The following WBP4 variants were observed in gnomAD, a reference collection of about 807,000 sequenced individuals.
WBP4 encodes the protein WW domain binding protein 4, also known as WW domain-binding protein 4.
WBP4 carries 37 observed loss-of-function variants against 55.4 expected under a neutral mutation model. The ratio of observed to expected loss-of-function variants is 0.67; its 90% CI spans 0.51 to 0.88. The LOEUF is 0.88. Among genes scored for constraint, WBP4 ranks in the 40% least tolerant of loss-of-function variants. The pLI is 0.00. For synonymous variants in WBP4, 142 were observed against 140.2 expected, an observed-to-expected ratio of 1.01 and a Z score of -0.09; for missense variants, 398 against 420.8, an observed-to-expected ratio of 0.95 and a Z score of 0.47.
chr13:41,082,733 C>CTTT lies in WBP4; in HGVS notation c.951_952insTTT (p.Thr317_Glu318insPhe), dbSNP rs1436714316. On this transcript the variant is annotated inframe_insertion, in exon 10 of 10. Transcript: ENST00000379487. The stretch of plus-strand genomic sequence containing the variant: ...GAGGTAGATTTGGAACTTCCAAGCA[C>CTTT]TGAAAATGAGTATGTATCAACTTCA... 6 of 1,613,876 alleles carry CTTT rather than the reference C, an allele frequency of 3.7e-6. No individual in the cohort carries two copies. Among genetic ancestry groups the CTTT allele is most frequent in the Non-Finnish European group, 4.2e-6 (5 of 1,180,006 alleles).
At chr13:41,070,863 A>G (rs1878212058) in intron 5 of WBP4, among the ~76,000 whole-genome samples, 4 of 152,198 alleles carry the variant, frequency 2.6e-5, no homozygotes, top group Admixed American at 1.3e-4. Context: ...TTGGGCTAAC[A>G]ATCTTACTGT....
chr13:41,072,667 C>A, intron 6 of WBP4, 115 bp from the exon 7 acceptor site: 1 of 801,114 alleles, frequency 1.2e-6, no homozygotes, highest in Non-Finnish European at 2.0e-6. Flanking sequence ...GGATGCAGAT[C>A]GAGATGATAT....
intron 5 of WBP4, among the ~76,000 whole-genome samples, 170 bp from the exon 6 acceptor site, chr13:41,071,357 T>C (rs1441753628): frequency 6.6e-6 from 1 of 152,238 alleles, no homozygotes; most frequent in Non-Finnish European, 1.5e-5. Context: ...CATTCACATA[T>C]ATTGTCTGCA....
rs769356185 is a variant in WBP4, at chr13:41,072,758, G to A, written c.487-24G>A. ...AAAATCATGGTTATCCTTAGTTTAT[G>A]CTGGGTTTTTTTCCTCCTATTAGAC... On this transcript the variant is annotated intron_variant, in intron 6 of 9. Coordinates refer to ENST00000379487, the MANE Select transcript of WBP4 (RefSeq NM_007187.5). 2.5e-6 allele frequency: 4 copies of A among 1,605,860 alleles called. No homozygotes were observed. In the African/African-American group the frequency reaches 5.4e-5, roughly 22 times the overall value.
intron 1 of WBP4, chr13:41,062,287 A>T: frequency 1.0e-6 from 1 of 984,948 alleles, no homozygotes; most frequent in South Asian, 4.7e-5. Context: ...GGCAAACTTT[A>T]TGAGTTTCTT....
At chr13:41,081,165 C>G (rs1427000429) in intron 9 of WBP4, among the ~76,000 whole-genome samples, 2 of 151,960 alleles carry the variant, frequency 1.3e-5, no homozygotes, top group African/African-American at 2.4e-5. Context: ...CCACTGGACT[C>G]CAGCCTAGCA....
chr13:41,080,197 C>T (rs1297925758), intron 8 of WBP4, among the ~76,000 whole-genome samples: 2 of 151,942 alleles, frequency 1.3e-5, no homozygotes, highest in African/African-American at 2.4e-5. Flanking sequence ...ATTTGTGCCC[C>T]CTAAGTTATT....
Position 41,080,760 on chromosome 13 carries a change from TCAAA to T in WBP4, c.873_876del (p.Asn292HisfsTer18). ...AGAAAAATCGAAAACTCTTAAGAAA[TCAAA>T]CCCATATGGAGAATGGCAAGAAATT... is the stretch of plus-strand genomic sequence containing the variant. On this transcript the variant is annotated frameshift_variant, in exon 9 of 10. Coordinates refer to ENST00000379487, the MANE Select transcript of WBP4 (RefSeq NM_007187.5). LOFTEE classifies it high-confidence loss of function. 6.2e-7 allele frequency: 1 copy of T among 1,607,580 alleles called. No homozygotes were observed. The highest frequency in any genetic ancestry group is 1.1e-5 in the South Asian group (1 of 88,902).
Position 41,068,480 on chromosome 13 carries a change from G to C in WBP4, c.263-81G>C, listed in dbSNP as rs367742262. 7.5e-6 allele frequency: 10 copies of C among 1,332,690 alleles called. No homozygotes were observed. The African/African-American group carries it at 1.2e-4, about 16-fold the overall frequency. The allele number at this position is 1,332,690 out of a possible 1,614,324, so 82.6% of individuals were successfully genotyped here. ...AAGAACCTTATCAGGTTTTTGATTGGAATAACATTAATGTTTTATGCCAGC... is the reference window on the plus strand; with the variant it reads ...AAGAACCTTATCAGGTTTTTGATTGCAATAACATTAATGTTTTATGCCAGC... On this transcript the variant is annotated intron_variant, in intron 4 of 9. Coordinates refer to ENST00000379487, the MANE Select transcript of WBP4 (RefSeq NM_007187.5).
intron 4 of WBP4, among the ~76,000 whole-genome samples, chr13:41,067,762 T>G (rs1367780888): frequency 6.6e-6 from 1 of 152,270 alleles, no homozygotes; most frequent in Non-Finnish European, 1.5e-5. Flanking sequence ...GTAAAGGATC[T>G]TTGTTAGGAA....
At chr13:41,061,896 G>C (rs1021717629) in intron 1 of WBP4, among the ~76,000 whole-genome samples, 1 of 152,018 alleles carries the variant, frequency 6.6e-6, no homozygotes, top group Non-Finnish European at 1.5e-5. Flanking sequence ...ACGGGCTCTA[G>C]GGGGAGGCCG....
At chr13:41,065,133 TCA>T in intron 3 of WBP4, 29 bp from the exon 4 acceptor site, 1 of 1,602,446 alleles carries the variant, frequency 6.2e-7, no homozygotes, top group Middle Eastern at 1.7e-4. Context: ...GTCCTTTATC[TCA>T]CTTTCACTGT....
rs564210537 is a variant in WBP4, at chr13:41,081,628, G to A, written c.920+819G>A. 2.0e-5 allele frequency among the ~76,000 whole-genome samples: 3 copies of A among 151,980 alleles called. No homozygotes were observed. In the East Asian group the frequency reaches 5.8e-4, roughly 29 times the overall value. ...CTATTTAGTTTTATAACTTAAAACA[G>A]CCTATGATAACTGATAGCAAAGAAG... On this transcript the variant is annotated intron_variant, in intron 9 of 9. Transcript: ENST00000379487.
chr13:41,063,119 G>A lies in WBP4; in HGVS notation c.75+403G>A, dbSNP rs1245398226. 1.4e-4 allele frequency among the ~76,000 whole-genome samples: 21 copies of A among 152,148 alleles called. 1 individual carries two copies. Among genetic ancestry groups the A allele is most frequent in the Admixed American group, 1.1e-3 (17 of 15,268 alleles). ...CTAGAAATAATCAAGTGTATTTAAT[G>A]CAGAGCTGTGTATCTTTAGATGCTT... is the stretch of plus-strand genomic sequence containing the variant. On this transcript the variant is annotated intron_variant, in intron 2 of 9. Coordinates refer to ENST00000379487, the MANE Select transcript of WBP4 (RefSeq NM_007187.5).
intron 8 of WBP4, among the ~76,000 whole-genome samples, chr13:41,079,847 C>A (rs576081958): frequency 6.6e-6 from 1 of 152,014 alleles, no homozygotes; most frequent in Non-Finnish European, 1.5e-5. Context: ...AAAAAAAATG[C>A]GGTATATATA....
Position 41,078,110 on chromosome 13 carries a change from A to C in WBP4, c.756+1873A>C, listed in dbSNP as rs939565279. Among the ~76,000 whole-genome samples, 7 of 152,308 alleles carry C rather than the reference A, an allele frequency of 4.6e-5. No homozygotes were observed. The East Asian group carries it at 9.6e-4, about 21-fold the overall frequency. On this transcript the variant is annotated intron_variant, in intron 8 of 9. Coordinates refer to ENST00000379487, the MANE Select transcript of WBP4 (RefSeq NM_007187.5). Reference sequence around the variant, plus strand: ...CAACACAATCCCTATCAAATTACCAACTTCATTTTTTACAGAATTAGAAAA... The same window carrying C: ...CAACACAATCCCTATCAAATTACCACCTTCATTTTTTACAGAATTAGAAAA...
At chr13:41,075,200 G>A (rs1878426243) in intron 7 of WBP4, among the ~76,000 whole-genome samples, 1 of 152,060 alleles carries the variant, frequency 6.6e-6, no homozygotes, top group African/African-American at 2.4e-5. Context: ...TTAATTACAA[G>A]GTAATTAGAA....
intron 4 of WBP4, among the ~76,000 whole-genome samples, chr13:41,067,126 G>A (rs549905899): frequency 3.9e-5 from 6 of 152,142 alleles, no homozygotes; most frequent in African/African-American, 9.6e-5. Flanking sequence ...CAGTCCCAGC[G>A]ATTTTTTGGT....
At chr13:41,066,764 G>A (rs1877990915) in intron 4 of WBP4, among the ~76,000 whole-genome samples, 1 of 138,540 alleles carries the variant, frequency 7.2e-6, no homozygotes, top group African/African-American at 2.4e-5. Flanking sequence ...CGTAAAGAGT[G>A]CGGCATTAAG....
Sources: allele counts gnomAD v4.1 joint callset (sites outside exome capture counted in the v4.1 genomes callset), GRCh38; gene constraint gnomAD v4.1.1; transcripts MANE v1.5; gene names NCBI Gene and HGNC (gene_info 2026-07-23, HGNC 2026-07-21).